The following RDH10 variants were observed in gnomAD, a reference collection of about 807,000 sequenced individuals.
RDH10 encodes the protein retinol dehydrogenase 10.
In RDH10, 12 loss-of-function variants were observed where a neutral mutation model predicts 30.2. The observed-to-expected ratio is 0.40, with a 90% confidence interval of 0.25 to 0.64. The LOEUF is 0.64. RDH10 is among the 30% of genes least tolerant of loss of function. The probability of loss-of-function intolerance (pLI) is 0.43; values close to 1 mark genes in which losing one functional copy is unlikely to be tolerated. For synonymous variants in RDH10, 189 were observed against 172.2 expected (o/e 1.10, Z -0.76); for missense variants, 268 against 445.2 (o/e 0.60, Z 3.58).
At chr8:73,322,570 C>T in intron 4 of RDH10, 109 bp from the exon 5 acceptor site, 4 of 931,294 alleles carry the variant, frequency 4.3e-6, no homozygotes, top group Middle Eastern at 2.4e-4. Flanking sequence ...ACAAAATGTA[C>T]CCAAAATCCC....
rs1814840855 is a variant in RDH10 at position 73,324,797 on chromosome 8, C to T, written c.*1761C>T. On this transcript the variant is annotated 3_prime_UTR_variant, in exon 6 of 6. Transcript: ENST00000240285. The stretch of plus-strand genomic sequence containing the variant: ...AAAAGTGGGGAAACAATGCCATGAC[C>T]TGTGTTTTAGTTTGGCTGCACCACA... 6.6e-6 allele frequency: 1 copy of T among 152,212 alleles called. No homozygotes were observed. The highest frequency in any genetic ancestry group is 2.4e-5 in the African/African-American group (1 of 41,466). The allele number at this position is 152,212 out of a possible 1,614,324, so 9.4% of individuals were successfully genotyped here.
At chr8:73,301,275 C>T (rs1344281949) in intron 2 of RDH10, among the ~76,000 whole-genome samples, 2 of 149,788 alleles carry the variant, frequency 1.3e-5, no homozygotes, top group Non-Finnish European at 3.0e-5. Flanking sequence ...TGGTCTCGAT[C>T]TCCTGACCTC....
chr8:73,296,242 TG>T (rs1358434103), intron 1 of RDH10, among the ~76,000 whole-genome samples: 3 of 152,048 alleles, frequency 2.0e-5, no homozygotes, highest in African/African-American at 2.4e-5. Context: ...GAATCTGAGT[TG>T]TTTTTTTTTT....
chr8:73,299,578 C>G (rs927011772), intron 2 of RDH10, among the ~76,000 whole-genome samples: 2 of 152,162 alleles, frequency 1.3e-5, no homozygotes, highest in Admixed American at 6.5e-5. Context: ...CATTATGAAC[C>G]GCAGATACTG....
At chr8:73,316,756 C>T (rs1052669733) in intron 2 of RDH10, among the ~76,000 whole-genome samples, 1 of 152,154 alleles carries the variant, frequency 6.6e-6, no homozygotes, top group Non-Finnish European at 1.5e-5. Flanking sequence ...AGGGAGCTTT[C>T]AGTCATGGTA....
intron 2 of RDH10, among the ~76,000 whole-genome samples, chr8:73,318,656 C>T (rs954219667): frequency 2.0e-5 from 3 of 152,244 alleles, no homozygotes; most frequent in African/African-American, 7.2e-5. Flanking sequence ...ACGTAGACAT[C>T]GCCGTAAGGC....
At chr8:73,313,412 G>A (rs1814605416) in intron 2 of RDH10, 1 of 152,008 alleles carries the variant, frequency 6.6e-6, no homozygotes, top group African/African-American at 2.4e-5. Context: ...GGAGATATTA[G>A]ACTTGTTAAG....
At chr8:73,316,710 G>A (rs1031177536) in intron 2 of RDH10, among the ~76,000 whole-genome samples, 4 of 152,182 alleles carry the variant, frequency 2.6e-5, no homozygotes, top group African/African-American at 9.7e-5. Context: ...TGTACAGGAA[G>A]CATAGAGGCT....
chr8:73,295,633 C>G (rs1177720276), intron 1 of RDH10, 55 bp downstream of exon 1: 1 of 1,418,876 alleles, frequency 7.0e-7, no homozygotes, highest in South Asian at 1.5e-5. Flanking sequence ...CCACCCCGCG[C>G]CCTACCACGG....
In RDH10 at chr8:73,295,540, A is replaced by G. The variant is rs1402539012; in HGVS notation, c.251A>G (p.Tyr84Cys). The G allele has an allele frequency of 6.5e-7, 1 of 1,548,996 alleles. No homozygotes were observed. The highest frequency in any genetic ancestry group is 1.2e-5 in the South Asian group (1 of 83,832). ...EETAGMVRHIYRDLEAADAAA... is the reference protein window; with the variant it reads ...EETAGMVRHICRDLEAADAAA... ...ACGGCTGGCATGGTGCGCCACATCT[A>G]CCGCGACCTGGAGGCGGCCGACGCC... The change falls in exon 1 of 6, where the codon TAC becomes TGC. Residue 84 changes from tyrosine (Y) to cysteine (C), a missense_variant. This residue lies in a region of RDH10 where 46 missense variants were observed against 36.7 expected (regional missense o/e 1.25). Transcript: ENST00000240285.
At chr8:73,312,353 T>G (rs1814577985) in intron 2 of RDH10, 1 of 152,230 alleles carries the variant, frequency 6.6e-6, no homozygotes, top group Non-Finnish European at 1.5e-5. Context: ...TAAAACATTG[T>G]GAGGCTACAG....
intron 2 of RDH10, among the ~76,000 whole-genome samples, chr8:73,300,007 C>T (rs1814346984): frequency 6.6e-6 from 1 of 152,140 alleles, no homozygotes; most frequent in South Asian, 2.1e-4. Flanking sequence ...AGCATAGCAC[C>T]TTCCTAGAGT....
At chr8:73,314,617 A>G (rs1814627874) in intron 2 of RDH10, among the ~76,000 whole-genome samples, 1 of 152,164 alleles carries the variant, frequency 6.6e-6, no homozygotes, top group Non-Finnish European at 1.5e-5. Flanking sequence ...CCCGACACAG[A>G]GCAGAGCTGA....
intron 4 of RDH10, chr8:73,321,906 G>A (rs1198080589): frequency 4.4e-6 from 2 of 456,124 alleles, no homozygotes; most frequent in Non-Finnish European, 8.8e-6. Flanking sequence ...AGTCTGACCT[G>A]GAAAATGGAC....
intron 2 of RDH10, 31 bp from the exon 3 acceptor site, chr8:73,319,065 G>A (rs550461184): frequency 2.1e-6 from 3 of 1,450,020 alleles, no homozygotes; most frequent in South Asian, 2.3e-5. Context: ...CATGAAATCA[G>A]TTCTAAAACT....
chr8:73,309,093 T>C (rs1219594606), intron 2 of RDH10, among the ~76,000 whole-genome samples: 1 of 152,194 alleles, frequency 6.6e-6, no homozygotes, highest in Non-Finnish European at 1.5e-5. Context: ...ACACTTTTTT[T>C]TTCCTGAGCT....
At chr8:73,299,216 G>A (rs923198759) in intron 2 of RDH10, among the ~76,000 whole-genome samples, 1 of 152,184 alleles carries the variant, frequency 6.6e-6, no homozygotes, top group Non-Finnish European at 1.5e-5. Flanking sequence ...ACCAAATACA[G>A]TTTGGGCAAC....
At chr8:73,312,664 C>T (rs572371636) in intron 2 of RDH10, 3 of 152,284 alleles carry the variant, frequency 2.0e-5, no homozygotes, top group South Asian at 2.1e-4. Flanking sequence ...TCCAGTCAGA[C>T]GTTCTTTGTT....
rs778607727 is a variant in RDH10 at position 73,322,635 on chromosome 8, A to G, written c.771-44A>G. The G allele has an allele frequency of 1.1e-5, 16 of 1,495,280 alleles. 1 individual carries two copies. The South Asian group carries it at 1.4e-4, about 13-fold the overall frequency. The allele number at this position is 1,495,280 out of a possible 1,614,324, so 92.6% of individuals were successfully genotyped here. A position where few individuals can be genotyped will look rare whatever the true frequency, so the allele number is the denominator to read the frequency against. Reference sequence around the variant, plus strand: ...TTGATATGTATTTCCAGTCTTTTCTATTGTGTTAATTTTTCATTTTGTTTT... The same window carrying G: ...TTGATATGTATTTCCAGTCTTTTCTGTTGTGTTAATTTTTCATTTTGTTTT... On this transcript the variant is annotated intron_variant, in intron 4 of 5. Coordinates refer to ENST00000240285, the MANE Select transcript of RDH10 (RefSeq NM_172037.5).
Sources: gnomAD v4.1 joint callset for allele counts (sites outside exome capture counted in the v4.1 genomes callset) on GRCh38, gnomAD v4.1.1 for gene constraint, gnomAD v4.1.1 regional missense constraint, MANE v1.5 for transcripts, NCBI Gene and HGNC (gene_info 2026-07-23, HGNC 2026-07-21) for gene names.